The following BCO1 variants were observed in gnomAD, a reference collection of about 807,000 sequenced individuals.
BCO1 encodes beta-carotene oxygenase 1, also known as beta,beta-carotene 15,15'-dioxygenase.
BCO1 carries 54 observed loss-of-function variants against 56.3 expected under a neutral mutation model. That is an observed-to-expected ratio of 0.96 (90% CI 0.77 to 1.20). The LOEUF (loss-of-function observed/expected upper bound fraction) is 1.20, where lower values mean the gene tolerates loss of function less well. Among genes scored for constraint, BCO1 ranks in the 50% most tolerant of loss-of-function variants. The pLI is 0.00. For missense variants in BCO1, 801 were observed against 690.9 expected, an observed-to-expected ratio of 1.16 and a Z score of -1.79; for synonymous variants, 318 against 266.1, an observed-to-expected ratio of 1.20 and a Z score of -1.90.
At chr16:81,268,206 G>A in intron 6 of BCO1, 75 bp downstream of exon 6, 1 of 1,384,068 alleles carries the variant, frequency 7.2e-7, no homozygotes, top group African/African-American at 1.4e-5. Context: ...GGAGGGTGAA[G>A]TTTAAGGCAA....
chr16:81,279,257 C>A (rs150617251), intron 7 of BCO1, among the ~76,000 whole-genome samples: 4 of 152,020 alleles, frequency 2.6e-5, no homozygotes, highest in African/African-American at 9.7e-5. Flanking sequence ...CCAGCCTGGG[C>A]GACAGAGCAA....
At chr16:81,281,576 T>C (rs976874235) in intron 8 of BCO1, among the ~76,000 whole-genome samples, 2 of 152,128 alleles carry the variant, frequency 1.3e-5, no homozygotes, top group Non-Finnish European at 2.9e-5. Flanking sequence ...CCTCTCAACA[T>C]CCACAATATC....
intron 1 of BCO1, among the ~76,000 whole-genome samples, chr16:81,240,608 G>C (rs1905066123): frequency 6.6e-6 from 1 of 151,852 alleles, no homozygotes; most frequent in African/African-American, 2.4e-5. Flanking sequence ...AGGAGGATGA[G>C]GTAGTAGAAT....
intron 1 of BCO1, 79 bp downstream of exon 1, chr16:81,239,051 C>G: frequency 7.7e-7 from 1 of 1,297,848 alleles, no homozygotes; most frequent in Non-Finnish European, 1.1e-6. Flanking sequence ...GAGTCTCGCT[C>G]TGTCGCCCGG....
At position 81,280,972 on chromosome 16, in the gene BCO1, A is replaced by G. The variant is rs373864226; in HGVS notation, c.1207+10A>G. 146 of 1,596,900 alleles carry G rather than the reference A, an allele frequency of 9.1e-5. No individual in the cohort carries two copies. Among genetic ancestry groups the G allele is most frequent in the Non-Finnish European group, 9.6e-5 (112 of 1,164,570 alleles). On this transcript the variant is annotated intron_variant, in intron 8 of 10. Coordinates refer to ENST00000258168, the MANE Select transcript of BCO1 (RefSeq NM_017429.3). The stretch of plus-strand genomic sequence containing the variant: ...GAATTTCTTTATGAAGGTAAAATGC[A>G]TCCTCTTGTCCTGAGTTTAGGAAAG...
At chr16:81,242,645 T>C (rs961597566) in intron 1 of BCO1, among the ~76,000 whole-genome samples, 5 of 152,152 alleles carry the variant, frequency 3.3e-5, no homozygotes, top group African/African-American at 9.7e-5. Context: ...CTGGTCTTCC[T>C]GCCTCTCTCA....
intron 2 of BCO1, among the ~76,000 whole-genome samples, chr16:81,250,526 C>T (rs1008649773): frequency 4.0e-5 from 6 of 149,024 alleles, no homozygotes; most frequent in Admixed American, 2.7e-4. Flanking sequence ...AAGCTGAAAA[C>T]AAAGCCAATA....
In BCO1 at chr16:81,267,921, G is replaced by A. The variant is rs1375887950; in HGVS notation, c.633G>A (p.Gln211=). The change falls in exon 6 of 11, where the codon CAG becomes CAA. Residue 211 remains glutamine (Q), a synonymous_variant. Coordinates refer to ENST00000258168, the MANE Select transcript of BCO1 (RefSeq NM_017429.3). ...IPATVPEGKK[Q]GKSPWKHTEV... is the part of the protein sequence containing the mutation. ...TTGTCTTGCTAGAGGGCAAGAAGCA[G>A]GGGAAGAGCCCCTGGAAGCACACAG... is the stretch of plus-strand genomic sequence containing the variant. 1 of 1,613,780 alleles carries A rather than the reference G, an allele frequency of 6.2e-7. No homozygotes were observed. Among genetic ancestry groups the A allele is most frequent in the African/African-American group, 1.3e-5 (1 of 74,890 alleles).
intron 7 of BCO1, among the ~76,000 whole-genome samples, chr16:81,276,543 T>C (rs1378880459): frequency 1.3e-5 from 2 of 152,240 alleles, no homozygotes; most frequent in Admixed American, 1.3e-4. Context: ...GAGCCTGGGA[T>C]GAGGCAGGAA....
At chr16:81,252,395 A>G (rs1905862203) in intron 2 of BCO1, among the ~76,000 whole-genome samples, 1 of 152,064 alleles carries the variant, frequency 6.6e-6, no homozygotes, top group South Asian at 2.1e-4. Flanking sequence ...GGCTGGGATT[A>G]CAGACACCCG....
At chr16:81,242,359 C>A (rs1051708579) in intron 1 of BCO1, among the ~76,000 whole-genome samples, 9 of 152,160 alleles carry the variant, frequency 5.9e-5, no homozygotes. Context: ...CACCACCACA[C>A]CCAGCTAATT....
chr16:81,270,213 T>A lies in BCO1; in HGVS notation c.898T>A (p.Tyr300Asn). ...CAGGCAGCCTGTGCAGACCAAGTTT[T>A]ACACAGACGCCATGGTGGTCTTCCA... ...RTRQPVQTKF[Y>N]TDAMVVFHHV... The change falls in exon 7 of 11, where the codon TAC becomes AAC. Residue 300 changes from tyrosine (Y) to asparagine (N), a missense_variant. Transcript: ENST00000258168. 3 of 1,614,184 alleles carry A rather than the reference T, an allele frequency of 1.9e-6. No homozygotes were observed. Among genetic ancestry groups the A allele is most frequent in the Non-Finnish European group, 1.7e-6 (2 of 1,180,036 alleles).
At chr16:81,245,702 C>A in intron 2 of BCO1, 99 bp downstream of exon 2, 1 of 1,494,728 alleles carries the variant, frequency 6.7e-7, no homozygotes. Flanking sequence ...GATTGGAGGT[C>A]AGAAGTCTAA....
At chr16:81,281,829 C>T (rs1907900290) in intron 8 of BCO1, among the ~76,000 whole-genome samples, 1 of 152,166 alleles carries the variant, frequency 6.6e-6, no homozygotes, top group South Asian at 2.1e-4. Flanking sequence ...AGGAAGACCC[C>T]CATCCTGAAT....
At chr16:81,264,406 A>C (rs955844562) in intron 4 of BCO1, among the ~76,000 whole-genome samples, 1 of 152,196 alleles carries the variant, frequency 6.6e-6, no homozygotes, top group African/African-American at 2.4e-5. Context: ...GAGTCCCTCA[A>C]ATCCCCATGT....
At chr16:81,248,868 C>T (rs945519611) in intron 2 of BCO1, among the ~76,000 whole-genome samples, 3 of 151,974 alleles carry the variant, frequency 2.0e-5, no homozygotes, top group East Asian at 1.9e-4. Flanking sequence ...AAAAATTAGC[C>T]GGATGTGGTG....
rs376192346 is a variant in BCO1, at chr16:81,290,622, C to T, written c.*45C>T. The T allele has an allele frequency of 3.4e-6, 5 of 1,470,598 alleles. No individual in the cohort carries two copies. Among genetic ancestry groups the T allele is most frequent in the Non-Finnish European group, 4.7e-6 (5 of 1,059,520 alleles). 91.1% of individuals were successfully genotyped at this position (1,470,598 alleles called of 1,614,324 possible). ...GGGGAGGGGAGCTCGGCTGTCAGAA[C>T]TCCATGGATATGTTTCTTTGGATGG... On this transcript the variant is annotated 3_prime_UTR_variant, in exon 11 of 11. Coordinates refer to ENST00000258168, the MANE Select transcript of BCO1 (RefSeq NM_017429.3).
chr16:81,278,073 G>A (rs543511374), intron 7 of BCO1, among the ~76,000 whole-genome samples: 52 of 152,018 alleles, frequency 3.4e-4, no homozygotes, highest in African/African-American at 9.9e-4. Context: ...ACAGAGTCTC[G>A]CTCTGTCGCC....
intron 3 of BCO1, among the ~76,000 whole-genome samples, chr16:81,260,221 T>A (rs1200494658): frequency 6.6e-6 from 1 of 151,652 alleles, no homozygotes; most frequent in Non-Finnish European, 1.5e-5. Context: ...ACAGTAAAAC[T>A]GTACGAGAAA....
Sources: allele counts gnomAD v4.1 joint callset (sites outside exome capture counted in the v4.1 genomes callset), GRCh38; gene constraint gnomAD v4.1.1; transcripts MANE v1.5; gene names NCBI Gene and HGNC (gene_info 2026-07-23, HGNC 2026-07-21).